SAXO1: variants seen among roughly 807,000 people sequenced by gnomAD.
SAXO1 encodes the protein 4930500O09Rik.
In SAXO1, 21 loss-of-function variants were observed where a neutral mutation model predicts 17.5. That is an observed-to-expected ratio of 1.20 (90% confidence interval 0.85 to 1.72). SAXO1 has a LOEUF of 1.72. Ranked by LOEUF, SAXO1 falls within the 40% of genes most tolerant of loss-of-function variation. The pLI, the probability that SAXO1 is intolerant of heterozygous loss-of-function variation, is 0.00. For synonymous variants in SAXO1, 274 were observed against 216.5 expected (o/e 1.27, Z -2.33); for missense variants, 843 against 596.0 (o/e 1.41, Z -4.32).
intron 2 of SAXO1, among the ~76,000 whole-genome samples, chr9:18,942,102 C>T (rs776131396): frequency 2.9e-4 from 34 of 116,470 alleles, no homozygotes; most frequent in Non-Finnish European, 5.3e-4. Context: ...AGTGCCCCTC[C>T]ACCTCATTGG....
chr9:19,048,214 C>T (rs1836266239), intron 1 of SAXO1, among the ~76,000 whole-genome samples: 1 of 152,134 alleles, frequency 6.6e-6, no homozygotes, highest in South Asian at 2.1e-4. Flanking sequence ...GCCTGTAATC[C>T]CACACTTTAG....
chr9:18,950,140 A>G (rs1831970222), intron 2 of SAXO1, among the ~76,000 whole-genome samples: 1 of 152,212 alleles, frequency 6.6e-6, no homozygotes, highest in African/African-American at 2.4e-5. Flanking sequence ...CACCTCTGCA[A>G]CGCTAATATA....
intron 1 of SAXO1, among the ~76,000 whole-genome samples, chr9:19,029,717 G>C (rs1025665529): frequency 2.0e-5 from 3 of 152,208 alleles, no homozygotes; most frequent in Admixed American, 6.5e-5. Flanking sequence ...CTATACTCGA[G>C]TAGCTACTGA....
intron 1 of SAXO1, among the ~76,000 whole-genome samples, chr9:18,978,862 A>C (rs1833257432): frequency 6.6e-6 from 1 of 151,786 alleles, no homozygotes; most frequent in Admixed American, 6.6e-5. Context: ...TCAATCCCCA[A>C]CTCTTCATGG....
intron 1 of SAXO1, among the ~76,000 whole-genome samples, chr9:18,988,071 A>G (rs1036193464): frequency 6.6e-6 from 1 of 152,198 alleles, no homozygotes; most frequent in African/African-American, 2.4e-5. Context: ...AAATAATTTT[A>G]CTAGCATCTG....
At chr9:18,931,624 T>C (rs1416762994) in intron 3 of SAXO1, among the ~76,000 whole-genome samples, 1 of 152,262 alleles carries the variant, frequency 6.6e-6, no homozygotes, top group Non-Finnish European at 1.5e-5. Context: ...ATGTGCCATT[T>C]TACATCCCAC....
At chr9:18,973,703 T>G (rs996378570) in intron 1 of SAXO1, among the ~76,000 whole-genome samples, 5 of 152,216 alleles carry the variant, frequency 3.3e-5, no homozygotes, top group African/African-American at 1.2e-4. Context: ...ATCCCTTTCC[T>G]CTGCAGATTT....
chr9:19,018,449 G>A (rs749793924), intron 1 of SAXO1, among the ~76,000 whole-genome samples: 1 of 152,324 alleles, frequency 6.6e-6, no homozygotes, highest in South Asian at 2.1e-4. Flanking sequence ...CAAGGTGGGT[G>A]TGAAGTGGTA....
chr9:18,996,880 A>G (rs1834028248), intron 1 of SAXO1, among the ~76,000 whole-genome samples: 1 of 152,222 alleles, frequency 6.6e-6, no homozygotes, highest in African/African-American at 2.4e-5. Context: ...AAGGCATCCA[A>G]TTGGAAAGGA....
intron 1 of SAXO1, among the ~76,000 whole-genome samples, chr9:18,982,598 G>A (rs7871505): frequency 0.52 from 78,673 of 152,094 alleles, 21,918 homozygotes; most frequent in Non-Finnish European, 0.63. Context: ...TGGTGACTTT[G>A]TATATAACGT....
At chr9:18,991,139 T>C (rs570025972) in intron 1 of SAXO1, among the ~76,000 whole-genome samples, 146 of 152,182 alleles carry the variant, frequency 9.6e-4, no homozygotes, top group Middle Eastern at 3.4e-3. Context: ...ATGCCTGTAA[T>C]CCCAGCTGCT....
intron 3 of SAXO1, among the ~76,000 whole-genome samples, chr9:18,931,792 T>G (rs1221892616): frequency 6.6e-6 from 1 of 152,234 alleles, no homozygotes; most frequent in Non-Finnish European, 1.5e-5. Context: ...TATCTCTGCA[T>G]GCACTTATCC....
chr9:19,005,949 CA>C (rs1563976383), intron 1 of SAXO1, among the ~76,000 whole-genome samples: 2 of 150,692 alleles, frequency 1.3e-5, no homozygotes, highest in Non-Finnish European at 2.9e-5. Flanking sequence ...ACAAAAAAAA[CA>C]AACAAACAAC....
chr9:19,011,595 C>T (rs11789009), intron 1 of SAXO1, among the ~76,000 whole-genome samples: 11,815 of 152,102 alleles, frequency 0.078, 595 homozygotes, highest in African/African-American at 0.13. Flanking sequence ...AAAGTAGGGT[C>T]AAAACTAGGA....
chr9:19,037,418 C>T (rs980740179), upstream of SAXO1, among the ~76,000 whole-genome samples: 10 of 151,020 alleles, frequency 6.6e-5, no homozygotes, highest in African/African-American at 2.5e-4. Flanking sequence ...TCCCATAATT[C>T]CCACATGTTG....
intron 1 of SAXO1, among the ~76,000 whole-genome samples, chr9:18,951,371 A>C (rs953194368): frequency 1.3e-5 from 2 of 152,176 alleles, no homozygotes; most frequent in Admixed American, 6.6e-5. Context: ...AGGGCCAGCC[A>C]GTGTCTTTTG....
intron 1 of SAXO1, among the ~76,000 whole-genome samples, chr9:19,046,765 C>T (rs554088003): frequency 2.6e-5 from 4 of 152,040 alleles, no homozygotes; most frequent in South Asian, 2.1e-4. Context: ...ACTTGGGAGG[C>T]TGGCATGTGA....
At position 18,977,993 on chromosome 9, in the gene SAXO1, C is replaced by CAAAAA. The variant is rs371914686; in HGVS notation, c.39-27061_39-27057dup. Among the ~76,000 whole-genome samples the CAAAAA allele has an allele frequency of 1.1e-3, 106 of 98,642 alleles. 2 individuals are homozygous for CAAAAA. The highest frequency in any genetic ancestry group is 3.9e-3 in the African/African-American group (92 of 23,742). 64.7% of individuals were successfully genotyped at this position (98,642 alleles called of 152,430 possible). A position where few individuals can be genotyped will look rare whatever the true frequency, so the allele number is the denominator to read the frequency against. The stretch of plus-strand genomic sequence containing the variant: ...CCTGGGTAAGAGAATGAGACCCTGC[C>CAAAAA]AAAAAAAAAAAAAAAAAAAAAAAAA... On this transcript the variant is annotated intron_variant, in intron 1 of 3. Transcript: ENST00000380534.
At chr9:19,019,366 C>A (rs1835128019) in intron 1 of SAXO1, among the ~76,000 whole-genome samples, 1 of 152,112 alleles carries the variant, frequency 6.6e-6, no homozygotes, top group Non-Finnish European at 1.5e-5. Flanking sequence ...TTTTGTCAAA[C>A]CTCCTGCCCA....
Sources: gnomAD v4.1 joint callset for allele counts (sites outside exome capture counted in the v4.1 genomes callset) on GRCh38, gnomAD v4.1.1 for gene constraint, MANE v1.5 for transcripts, NCBI Gene and HGNC (gene_info 2026-07-23, HGNC 2026-07-21) for gene names.